The following ARHGEF10L variants were observed in gnomAD, a reference collection of about 807,000 sequenced individuals.
The protein encoded by ARHGEF10L is Rho guanine nucleotide exchange factor 10 like.
In ARHGEF10L, 69 loss-of-function variants were observed where a neutral mutation model predicts 141.2. The ratio of observed to expected loss-of-function variants is 0.49; its 90% confidence interval spans 0.40 to 0.60. The LOEUF (loss-of-function observed/expected upper bound fraction) is 0.60, where lower values mean the gene tolerates loss of function less well. Among genes scored for constraint, ARHGEF10L ranks in the 20% least tolerant of loss-of-function variants. The pLI is 0.00. For missense variants in ARHGEF10L, 1,482 were observed against 1,734.3 expected, an observed-to-expected ratio of 0.85 and a Z score of 2.58; for synonymous variants, 711 against 718.5, an observed-to-expected ratio of 0.99 and a Z score of 0.17.
intron 27 of ARHGEF10L, among the ~76,000 whole-genome samples, chr1:17,689,462 C>CTCCCTCCCTGCCTCCCTCCCTCCCTCT (rs2064887248): frequency 1.6e-5 from 1 of 60,630 alleles, no homozygotes; most frequent in Non-Finnish European, 3.3e-5. Context: ...CCCCTCTCTC[C>CTCCCTCCCTGCCTCCCTCCCTCCCTCT]CTCCCTCCCT....
chr1:17,567,991 A>G (rs2077832048), intron 1 of ARHGEF10L, among the ~76,000 whole-genome samples: 1 of 152,192 alleles, frequency 6.6e-6, no homozygotes. Flanking sequence ...TTGGGTGCTC[A>G]GCACTGGGCC....
intron 26 of ARHGEF10L, among the ~76,000 whole-genome samples, chr1:17,675,139 T>C (rs1215067322): frequency 6.6e-6 from 1 of 152,204 alleles, no homozygotes; most frequent in African/African-American, 2.4e-5. Flanking sequence ...TGTTCTGGGT[T>C]GGTCCCAGCT....
chr1:17,582,717 C>T (rs2078680888), intron 2 of ARHGEF10L, among the ~76,000 whole-genome samples: 1 of 152,176 alleles, frequency 6.6e-6, no homozygotes. Context: ...AGCCCCAGCC[C>T]CTTCCTCTTG....
At chr1:17,661,341 G>C (rs1373375357) in intron 25 of ARHGEF10L, among the ~76,000 whole-genome samples, 1 of 152,248 alleles carries the variant, frequency 6.6e-6, no homozygotes. Context: ...GCCTCCCAAA[G>C]TGTTGGGATT....
chr1:17,634,238 G>T (rs2060865787), intron 16 of ARHGEF10L: 1 of 520,582 alleles, frequency 1.9e-6, no homozygotes, highest in Non-Finnish European at 3.4e-6. Context: ...GCAAAGTGGG[G>T]TGCTAGTGGC....
intron 1 of ARHGEF10L, among the ~76,000 whole-genome samples, chr1:17,563,221 G>C (rs1197902645): frequency 6.6e-6 from 1 of 151,014 alleles, no homozygotes; most frequent in Non-Finnish European, 1.5e-5. Context: ...AGTAAGCTTT[G>C]TCAGAGAGCC....
intron 1 of ARHGEF10L, among the ~76,000 whole-genome samples, chr1:17,572,694 C>T (rs923237213): frequency 2.6e-5 from 4 of 152,136 alleles, no homozygotes; most frequent in Non-Finnish European, 2.9e-5. Flanking sequence ...GACAGGAACC[C>T]GGAACTCTCT....
the ARHGEF10L span, among the ~76,000 whole-genome samples, chr1:17,519,836 C>G: frequency 2.0e-5 from 3 of 151,566 alleles, no homozygotes; most frequent in East Asian, 5.8e-4. Flanking sequence ...ACCAGAGACT[C>G]CATCTCAAAA....
chr1:17,694,302 C>T (rs2065325764), intron 27 of ARHGEF10L: 1 of 154,532 alleles, frequency 6.5e-6, no homozygotes, highest in African/African-American at 2.4e-5. Context: ...CAAGTGAGGA[C>T]ACCATGGCCC....
chr1:17,596,759 G>GA (rs1291913568), intron 4 of ARHGEF10L, among the ~76,000 whole-genome samples: 1 of 152,154 alleles, frequency 6.6e-6, no homozygotes, highest in African/African-American at 2.4e-5. Flanking sequence ...ACAGGCTGGG[G>GA]GCCCGGCGCG....
At position 17,625,882 on chromosome 1, in the gene ARHGEF10L, A is replaced by C; in HGVS notation, c.1318-74A>C. On this transcript the variant is annotated intron_variant, in intron 13 of 28. Coordinates refer to ENST00000361221, the MANE Select transcript of ARHGEF10L (RefSeq NM_018125.4). This position sits in a 1 kb window ranked among gnomAD's most constrained non-coding sequence, Gnocchi z 4.5. ...CTGGGGAGAGGAGCCCAGAATGGGG[A>C]CAGTGTCTGGACTCTGGGGCACTGG... The C allele has an allele frequency of 7.6e-7, 1 of 1,313,624 alleles. No individual in the cohort carries two copies. The highest frequency in any genetic ancestry group is 1.1e-6 in the Non-Finnish European group (1 of 917,274). The allele number at this position is 1,313,624 out of a possible 1,614,324, so 81.4% of individuals were successfully genotyped here. A position where few individuals can be genotyped will look rare whatever the true frequency, so the allele number is the denominator to read the frequency against.
At chr1:17,604,491 TG>T (rs1027299142) in intron 6 of ARHGEF10L, 10 of 152,202 alleles carry the variant, frequency 6.6e-5, no homozygotes, top group Non-Finnish European at 1.5e-4. Flanking sequence ...CTCCGTCCAA[TG>T]GGGAAGCACA....
chr1:17,659,579 C>A (rs2062481548), intron 25 of ARHGEF10L, among the ~76,000 whole-genome samples: 1 of 152,232 alleles, frequency 6.6e-6, no homozygotes, highest in South Asian at 2.1e-4. Context: ...CCCGCATCAA[C>A]CTCGCAGGCT....
rs568089509 is a variant in ARHGEF10L, at chr1:17,624,560, A to G, written c.1317+57A>G. On this transcript the variant is annotated intron_variant, in intron 13 of 28. Coordinates refer to ENST00000361221, the MANE Select transcript of ARHGEF10L (RefSeq NM_018125.4). ...AGGGTGGGCAGGGAGATTGCTCAGG[A>G]GGAAGGGAGCATTTTGGCCCCAGCT... is the stretch of plus-strand genomic sequence containing the variant. The G allele has an allele frequency of 2.9e-5, 42 of 1,426,610 alleles. No homozygotes were observed. The African/African-American group carries it at 4.9e-4, about 17-fold the overall frequency. The allele number at this position is 1,426,610 out of a possible 1,614,324, so 88.4% of individuals were successfully genotyped here.
chr1:17,516,191 AGT>A, the ARHGEF10L span, among the ~76,000 whole-genome samples: 1 of 152,240 alleles, frequency 6.6e-6, no homozygotes, highest in South Asian at 2.1e-4. Context: ...TTATGCTACC[AGT>A]GGGGAAAAGC....
intron 1 of ARHGEF10L, among the ~76,000 whole-genome samples, chr1:17,564,380 G>A (rs571201437): frequency 1.3e-5 from 2 of 152,250 alleles, no homozygotes; most frequent in Admixed American, 6.5e-5. Context: ...ACTTCAGGGG[G>A]GCCACTGGTC....
chr1:17,542,382 G>A (rs751526642), intron 1 of ARHGEF10L, among the ~76,000 whole-genome samples: 5 of 152,302 alleles, frequency 3.3e-5, no homozygotes, highest in South Asian at 2.1e-4. Context: ...CTGGAAGTTC[G>A]AGGCTGCAGT....
chr1:17,540,867 C>A (rs368919699), intron 1 of ARHGEF10L, among the ~76,000 whole-genome samples: 2 of 152,208 alleles, frequency 1.3e-5, no homozygotes, highest in Non-Finnish European at 2.9e-5. Context: ...TCCTCGGGTT[C>A]TGGGGAGAGA....
At position 17,621,825 on chromosome 1, in the gene ARHGEF10L, G is replaced by A. The variant is rs771460943; in HGVS notation, c.943-39G>A. On this transcript the variant is annotated intron_variant, in intron 10 of 28. Transcript: ENST00000361221. This position sits in a 1 kb window ranked among gnomAD's most constrained non-coding sequence, Gnocchi z 4.1. ...CCTGTCACTTGGGCCCTGTGCAGCAGGTGTCATGTGCGCTGACCGTGCTTT... is the reference window on the plus strand; with the variant it reads ...CCTGTCACTTGGGCCCTGTGCAGCAAGTGTCATGTGCGCTGACCGTGCTTT... 5.7e-6 allele frequency: 8 copies of A among 1,400,116 alleles called. No homozygotes were observed. In the South Asian group the frequency reaches 9.4e-5, roughly 16 times the overall value. 86.7% of individuals were successfully genotyped at this position (1,400,116 alleles called of 1,614,324 possible). A position where few individuals can be genotyped will look rare whatever the true frequency, so the allele number is the denominator to read the frequency against.
Sources: allele counts gnomAD v4.1 joint callset (sites outside exome capture counted in the v4.1 genomes callset), GRCh38; gene constraint gnomAD v4.1.1; non-coding constraint Gnocchi (gnomAD v3.1); transcripts MANE v1.5; gene names NCBI Gene and HGNC (gene_info 2026-07-23, HGNC 2026-07-21).